PLCB4: variants seen among roughly 807,000 people sequenced by gnomAD.
The protein encoded by PLCB4 is phospholipase C beta 4.
In PLCB4, 77 loss-of-function variants were observed where a neutral mutation model predicts 178.8. The ratio of observed to expected loss-of-function variants is 0.43; its 90% CI spans 0.36 to 0.52. The LOEUF is 0.52. Ranked by LOEUF, PLCB4 falls within the 20% of genes least tolerant of loss-of-function variation. The probability of loss-of-function intolerance (pLI) is 0.00; values close to 1 mark genes in which losing one functional copy is unlikely to be tolerated. For synonymous variants in PLCB4, 496 were observed against 490.8 expected, an observed-to-expected ratio of 1.01 and a Z score of -0.14; for missense variants, 1,024 against 1,453.4, an observed-to-expected ratio of 0.70 and a Z score of 4.80.
chr20:9,122,324 T>C (rs888311726), intron 2 of PLCB4, among the ~76,000 whole-genome samples: 2 of 152,172 alleles, frequency 1.3e-5, no homozygotes, highest in African/African-American at 4.8e-5. Flanking sequence ...AAATTGGGAT[T>C]ATATTGGACA....
intron 2 of PLCB4, among the ~76,000 whole-genome samples, chr20:9,155,912 A>G (rs1453508970): frequency 6.6e-6 from 1 of 152,144 alleles, no homozygotes; most frequent in Non-Finnish European, 1.5e-5. Flanking sequence ...CACACAAGAC[A>G]AGTAAATACA....
intron 3 of PLCB4, among the ~76,000 whole-genome samples, chr20:9,267,167 T>C (rs1044369984): frequency 1.3e-5 from 2 of 152,336 alleles, no homozygotes; most frequent in African/African-American, 4.8e-5. Context: ...GGGAAATTTA[T>C]TGGCTTCAAA....
Position 9,160,187 on chromosome 20 carries a change from T to TG in PLCB4, c.-78-57197dup, listed in dbSNP as rs539492926. On this transcript the variant is annotated intron_variant, in intron 2 of 39. Coordinates refer to ENST00000378473, the MANE Select transcript of PLCB4 (RefSeq NM_001377142.1). Reference sequence around the variant, plus strand: ...GAGTAGAGAATTGTGGCTGGGAGTGTGGGGGGTGGGTCTCTAACATTTGCT... The same window carrying TG: ...GAGTAGAGAATTGTGGCTGGGAGTGTGGGGGGGTGGGTCTCTAACATTTGCT... Among the ~76,000 whole-genome samples, 4 of 152,074 alleles carry TG rather than the reference T, an allele frequency of 2.6e-5. No individual in the cohort carries two copies. In the South Asian group the frequency reaches 8.3e-4, roughly 32 times the overall value.
At chr20:9,203,775 G>A (rs924170921) in intron 2 of PLCB4, among the ~76,000 whole-genome samples, 183 of 118,918 alleles carry the variant, frequency 1.5e-3, no homozygotes, top group Non-Finnish European at 2.6e-3. Flanking sequence ...TTTGGGAATA[G>A]TGTTTTTTTT....
At chr20:9,341,198 A>G (rs1363702779) in intron 7 of PLCB4, among the ~76,000 whole-genome samples, 3 of 152,116 alleles carry the variant, frequency 2.0e-5, no homozygotes, top group Non-Finnish European at 4.4e-5. Flanking sequence ...GTCTTGGCCC[A>G]TTCTAAGAAC....
intron 25 of PLCB4, among the ~76,000 whole-genome samples, chr20:9,414,451 C>T (rs2040099964): frequency 6.6e-6 from 1 of 152,230 alleles, no homozygotes; most frequent in African/African-American, 2.4e-5. Flanking sequence ...CCTTGTGGTT[C>T]TCCCACCCAC....
At chr20:9,120,147 C>T (rs1390061982) in intron 2 of PLCB4, among the ~76,000 whole-genome samples, 1 of 152,176 alleles carries the variant, frequency 6.6e-6, no homozygotes, top group Non-Finnish European at 1.5e-5. Flanking sequence ...TGTGAAGGCC[C>T]ATCTGCGTTA....
intron 36 of PLCB4, among the ~76,000 whole-genome samples, chr20:9,470,753 C>T (rs571900030): frequency 1.3e-5 from 2 of 152,246 alleles, no homozygotes; most frequent in East Asian, 3.9e-4. Context: ...GTATACAATG[C>T]CCAGTGATCA....
intron 1 of PLCB4, among the ~76,000 whole-genome samples, chr20:9,078,220 G>A (rs2089968963): frequency 1.3e-5 from 2 of 152,008 alleles, no homozygotes; most frequent in South Asian, 4.1e-4. Context: ...GGCTCAAGCA[G>A]TCCCCCCACC....
intron 2 of PLCB4, among the ~76,000 whole-genome samples, chr20:9,185,110 G>A (rs1315382746): frequency 6.6e-6 from 1 of 152,086 alleles, no homozygotes; most frequent in African/African-American, 2.4e-5. Context: ...ACTATGTAGT[G>A]CAGGTTGGTC....
rs183808379 is a variant in PLCB4 at position 9,139,550 on chromosome 20, G to A, written c.-79+43208G>A. Among the ~76,000 whole-genome samples the A allele has an allele frequency of 2.2e-3, 329 of 152,134 alleles. 1 individual carries two copies. Among genetic ancestry groups the A allele is most frequent in the African/African-American group, 7.8e-3 (323 of 41,518 alleles). On this transcript the variant is annotated intron_variant, in intron 2 of 39. Coordinates refer to ENST00000378473, the MANE Select transcript of PLCB4 (RefSeq NM_001377142.1). ...GGCTTCCAAGAGGGAGCTTATAGAT[G>A]TGCAAAAGTGGAAGTTGCCAGTTCC...
At chr20:9,238,409 C>T (rs141723825) in intron 3 of PLCB4, among the ~76,000 whole-genome samples, 21 of 152,226 alleles carry the variant, frequency 1.4e-4, no homozygotes, top group African/African-American at 4.3e-4. Flanking sequence ...GGAGTTGACC[C>T]CCCCCCGAGG....
At chr20:9,297,587 G>T (rs1253483566) in intron 3 of PLCB4, among the ~76,000 whole-genome samples, 1 of 152,044 alleles carries the variant, frequency 6.6e-6, no homozygotes, top group African/African-American at 2.4e-5. Flanking sequence ...AGCCAGGGGT[G>T]GATTTACTAA....
In PLCB4 at chr20:9,362,886, T is replaced by C. The variant is rs770174010; in HGVS notation, c.370-10T>C. On this transcript the variant is annotated splice_polypyrimidine_tract_variant and intron_variant, in intron 7 of 39. Transcript: ENST00000378473. ...TTGCTCACCAAGAATATTTTTTCTT[T>C]CTCTTTCAGCAATGGGTAGAAGGCC... 2 of 1,600,874 alleles carry C rather than the reference T, an allele frequency of 1.2e-6. No individual in the cohort carries two copies. Among genetic ancestry groups the C allele is most frequent in the African/African-American group, 2.7e-5 (2 of 74,854 alleles).
intron 3 of PLCB4, among the ~76,000 whole-genome samples, chr20:9,223,342 C>A (rs1415016258): frequency 6.6e-6 from 1 of 152,136 alleles, no homozygotes; most frequent in Non-Finnish European, 1.5e-5. Context: ...ACGTTGGGAC[C>A]TATTCTGGTT....
At chr20:9,468,108 A>G (rs1019469616) in intron 35 of PLCB4, among the ~76,000 whole-genome samples, 1 of 152,146 alleles carries the variant, frequency 6.6e-6, no homozygotes, top group Non-Finnish European at 1.5e-5. Flanking sequence ...GATCCCAAAT[A>G]ATATGAAGCA....
intron 34 of PLCB4, among the ~76,000 whole-genome samples, chr20:9,458,550 T>C (rs975761853): frequency 3.3e-5 from 5 of 152,198 alleles, no homozygotes; most frequent in African/African-American, 1.2e-4. Flanking sequence ...TGATTTTGGC[T>C]GGAGACACTT....
chr20:9,085,139 A>G lies in PLCB4; in HGVS notation c.-134-11148A>G, dbSNP rs934500744. Among the ~76,000 whole-genome samples the G allele has an allele frequency of 2.6e-5, 4 of 151,430 alleles. No individual in the cohort carries two copies. The East Asian group carries it at 7.7e-4, about 29-fold the overall frequency. ...TTTTTAAACAGTATGGTGCTATTTT[A>G]TTAGTTAGGTAATGCATACATTTGA... On this transcript the variant is annotated intron_variant, in intron 1 of 39. Transcript: ENST00000378473.
chr20:9,101,589 T>G (rs2091153820), intron 2 of PLCB4, among the ~76,000 whole-genome samples: 2 of 152,200 alleles, frequency 1.3e-5, no homozygotes, highest in Non-Finnish European at 2.9e-5. Context: ...ACATTACCCT[T>G]GTACACCCTC....
Sources: allele counts gnomAD v4.1 joint callset (sites outside exome capture counted in the v4.1 genomes callset), GRCh38; gene constraint gnomAD v4.1.1; transcripts MANE v1.5; gene names NCBI Gene and HGNC (gene_info 2026-07-23, HGNC 2026-07-21).